Variants in NQO1 observed in about 807,000 individuals in gnomAD.
NQO1 encodes NAD(P)H quinone dehydrogenase 1, also known as NAD(P)H dehydrogenase [quinone] 1.
NQO1 carries 30 observed loss-of-function variants against 32.1 expected under a neutral mutation model. That is an observed-to-expected ratio of 0.94 (90% CI 0.70 to 1.27). The LOEUF (loss-of-function observed/expected upper bound fraction) is 1.27. Among genes scored for constraint, NQO1 ranks in the 50% most tolerant of loss-of-function variants. The pLI is 0.00. For synonymous variants in NQO1, 109 were observed against 119.7 expected (o/e 0.91, Z 0.59); for missense variants, 276 against 331.3 (o/e 0.83, Z 1.30).
At chr16:69,714,068 G>A (rs1040041230) in intron 4 of NQO1, among the ~76,000 whole-genome samples, 16 of 152,064 alleles carry the variant, frequency 1.1e-4, no homozygotes, top group East Asian at 5.8e-4. Context: ...TAGTAGAGAC[G>A]GGGTTTCGCC....
intron 1 of NQO1, among the ~76,000 whole-genome samples, chr16:69,725,442 G>A (rs978689579): frequency 7.2e-5 from 11 of 152,186 alleles, no homozygotes; most frequent in South Asian, 2.1e-4. Context: ...TTATGCCTTG[G>A]GTGGAGCTGG....
intron 1 of NQO1, among the ~76,000 whole-genome samples, chr16:69,719,034 C>A (rs1338065862): frequency 1.2e-3 from 176 of 144,124 alleles, no homozygotes; most frequent in Non-Finnish European, 1.2e-3. Context: ...GACTCCGTCT[C>A]AAAAAAAAAA....
Position 69,715,098 on chromosome 16 carries a change from T to C in NQO1, c.304-21A>G. On this transcript the variant is annotated intron_variant, in intron 3 of 5. Transcript: ENST00000320623. ...GGGAACTGTGGGACAGAAGACATCATTGAGGTAAGACCAGGGGCTCCCCAA... is the reference window on the plus strand; with the variant it reads ...GGGAACTGTGGGACAGAAGACATCACTGAGGTAAGACCAGGGGCTCCCCAA... The C allele has an allele frequency of 7.5e-6, 12 of 1,593,046 alleles. No individual in the cohort carries two copies. In the Middle Eastern group the frequency reaches 5.0e-4, roughly 66 times the overall value.
chr16:69,724,784 T>C (rs2038239190), intron 1 of NQO1, among the ~76,000 whole-genome samples: 1 of 152,208 alleles, frequency 6.6e-6, no homozygotes, highest in South Asian at 2.1e-4. Context: ...CTCACTTGAG[T>C]GCTCCAGGGA....
intron 1 of NQO1, among the ~76,000 whole-genome samples, chr16:69,722,392 C>A (rs543148318): frequency 6.6e-6 from 1 of 152,222 alleles, no homozygotes; most frequent in Admixed American, 6.5e-5. Context: ...GATGTCCTAA[C>A]CTCATGACCC....
chr16:69,717,937 G>C (rs1277802707), intron 3 of NQO1, 186 bp downstream of exon 3: 12 of 901,842 alleles, frequency 1.3e-5, no homozygotes, highest in Non-Finnish European at 1.8e-5. Flanking sequence ...ACATGCAACA[G>C]TAATACAGCC....
chr16:69,714,856 G>A, intron 4 of NQO1, 108 bp downstream of exon 4: 1 of 765,238 alleles, frequency 1.3e-6, no homozygotes. Flanking sequence ...TCCAGCCTGG[G>A]CAACAAGAGG....
chr16:69,720,225 C>T (rs1370883433), intron 1 of NQO1, among the ~76,000 whole-genome samples: 1 of 152,012 alleles, frequency 6.6e-6, no homozygotes, highest in Non-Finnish European at 1.5e-5. Context: ...CGCCGCACTG[C>T]ACTCCAGCCT....
At chr16:69,712,883 G>C (rs957982362) in intron 5 of NQO1, 145 bp downstream of exon 5, 13 of 666,206 alleles carry the variant, frequency 2.0e-5, no homozygotes, top group Admixed American at 1.4e-4. Flanking sequence ...GCGGGTGCCT[G>C]TCAGTAGGCT....
At chr16:69,720,380 T>A (rs1005981626) in intron 1 of NQO1, among the ~76,000 whole-genome samples, 3 of 151,946 alleles carry the variant, frequency 2.0e-5, no homozygotes, top group Non-Finnish European at 4.4e-5. Context: ...GAACCCATTT[T>A]TATTTAAAAT....
At chr16:69,724,429 C>T (rs1457524085) in intron 1 of NQO1, among the ~76,000 whole-genome samples, 1 of 152,030 alleles carries the variant, frequency 6.6e-6, no homozygotes, top group Non-Finnish European at 1.5e-5. Context: ...TGGCCTCAAG[C>T]AGTCCTCCCG....
At chr16:69,711,402 T>G in intron 5 of NQO1, 121 bp from the exon 6 acceptor site, 1 of 781,816 alleles carries the variant, frequency 1.3e-6, no homozygotes, top group South Asian at 1.8e-5. Context: ...TCAGGCACAC[T>G]AGAGAATCAG....
chr16:69,720,979 C>T (rs2038181188), intron 1 of NQO1, among the ~76,000 whole-genome samples: 1 of 151,768 alleles, frequency 6.6e-6, no homozygotes, highest in South Asian at 2.1e-4. Context: ...CTCTCAGGCT[C>T]AAGCTATCCT....
chr16:69,718,021 G>A, intron 3 of NQO1, 102 bp downstream of exon 3: 1 of 1,465,622 alleles, frequency 6.8e-7, no homozygotes, highest in South Asian at 1.3e-5. Flanking sequence ...AGAGAATGCA[G>A]TAAAGTGGGT....
chr16:69,710,534 A>C lies in NQO1; in HGVS notation c.*442T>G. The C allele has an allele frequency of 6.0e-6, 1 of 165,428 alleles. No homozygotes were observed. Among genetic ancestry groups the C allele is most frequent in the South Asian group, 1.7e-4 (1 of 6,014 alleles). 10.2% of individuals were successfully genotyped at this position (165,428 alleles called of 1,614,324 possible). ...AACAAGCATTAGATGGCTAACTACC[A>C]AACAAGTTAAGTCCCTTAGGGCAGG... On this transcript the variant is annotated 3_prime_UTR_variant, in exon 6 of 6. Transcript: ENST00000320623.
At chr16:69,717,545 G>A (rs1045039075) in intron 3 of NQO1, among the ~76,000 whole-genome samples, 2 of 151,544 alleles carry the variant, frequency 1.3e-5, no homozygotes, top group Non-Finnish European at 2.9e-5. Flanking sequence ...GGGAGACTAA[G>A]TACCTGGAAG....
chr16:69,709,652 TTCA>T lies in NQO1; in HGVS notation c.*1321_*1323del. Reference sequence around the variant, plus strand: ...TGTCTCCCATTTTTCAGGCAACCTTTTCATCATTTCTCATCTCTTCTTTCAATG... The same window carrying T: ...TGTCTCCCATTTTTCAGGCAACCTTTTCATTTCTCATCTCTTCTTTCAATG... On this transcript the variant is annotated 3_prime_UTR_variant, in exon 6 of 6. Transcript: ENST00000320623. The T allele has an allele frequency of 2.5e-6, 1 of 396,152 alleles. No homozygotes were observed. Among genetic ancestry groups the T allele is most frequent in the Non-Finnish European group, 4.4e-6 (1 of 224,904 alleles). The allele number at this position is 396,152 out of a possible 1,614,324, so 24.5% of individuals were successfully genotyped here.
intron 1 of NQO1, among the ~76,000 whole-genome samples, chr16:69,719,196 C>A (rs2038158012): frequency 6.6e-6 from 1 of 152,132 alleles, no homozygotes. Flanking sequence ...TAAGATTGTA[C>A]CAACAGAAAA....
chr16:69,726,384 C>T lies in NQO1; in HGVS notation c.7+49G>A, dbSNP rs55756790. On this transcript the variant is annotated intron_variant, in intron 1 of 5. Transcript: ENST00000320623. Reference sequence around the variant, plus strand: ...CCCCTACAACCTCCTCCACAGGCACCAGTGCTCGAGAGACGACCGCCAAGC... The same window carrying T: ...CCCCTACAACCTCCTCCACAGGCACTAGTGCTCGAGAGACGACCGCCAAGC... 2 of 1,609,030 alleles carry T rather than the reference C, an allele frequency of 1.2e-6. 1 individual carries two copies. Among genetic ancestry groups the T allele is most frequent in the South Asian group, 2.2e-5 (2 of 90,738 alleles).
Sources: gnomAD v4.1 joint callset for allele counts (sites outside exome capture counted in the v4.1 genomes callset) on GRCh38, gnomAD v4.1.1 for gene constraint, MANE v1.5 for transcripts, NCBI Gene and HGNC (gene_info 2026-07-23, HGNC 2026-07-21) for gene names.